Variants in CPQ observed in about 807,000 individuals in gnomAD.
The protein encoded by CPQ is Ser-Met dipeptidase.
A neutral mutation model predicts 45.7 loss-of-function variants in CPQ; 37 were observed. The ratio of observed to expected loss-of-function variants is 0.81; its 90% CI spans 0.62 to 1.07. The LOEUF is 1.07. CPQ is among the 50% of genes least tolerant of loss of function. The pLI is 0.00. For synonymous variants in CPQ, 186 were observed against 205.8 expected (o/e 0.90, Z 0.82); for missense variants, 537 against 572.9 (o/e 0.94, Z 0.64).
intron 6 of CPQ, 75 bp from the exon 7 acceptor site, chr8:97,065,934 T>C (rs1225822872): frequency 2.8e-6 from 4 of 1,422,350 alleles, no homozygotes; most frequent in Middle Eastern, 2.5e-4. Context: ...TATTTGGTAA[T>C]TGTTGTTTGA....
chr8:96,726,227 G>T (rs184767434), intron 1 of CPQ, among the ~76,000 whole-genome samples: 2 of 151,980 alleles, frequency 1.3e-5, no homozygotes, highest in African/African-American at 4.8e-5. Flanking sequence ...TAAAATAAAA[G>T]AAGAAATTAT....
intron 4 of CPQ, among the ~76,000 whole-genome samples, chr8:96,886,998 A>G (rs1812314342): frequency 6.6e-6 from 1 of 152,040 alleles, no homozygotes; most frequent in Non-Finnish European, 1.5e-5. Flanking sequence ...TCCTCCCTCT[A>G]AGTCCTCCTT....
At chr8:97,056,557 G>A (rs554326468) in intron 6 of CPQ, 1 of 152,276 alleles carries the variant, frequency 6.6e-6, no homozygotes, top group East Asian at 1.9e-4. Context: ...TTTGAAATTT[G>A]GTGCTCACTA....
rs981172497 is a variant in CPQ, at chr8:96,815,871, A to G, written c.434-19102A>G. ...TAGCATTATGGCTAAAAGAATGTAC[A>G]TACTTTAATTTATAAATACTATTAA... On this transcript the variant is annotated intron_variant, in intron 2 of 7. Coordinates refer to ENST00000220763, the MANE Select transcript of CPQ (RefSeq NM_016134.4). 2.0e-5 allele frequency among the ~76,000 whole-genome samples: 3 copies of G among 152,176 alleles called. 1 individual carries two copies. The highest frequency in any genetic ancestry group is 1.3e-4 in the Admixed American group (2 of 15,268).
At chr8:96,943,443 G>A (rs946651428) in intron 4 of CPQ, among the ~76,000 whole-genome samples, 2 of 152,048 alleles carry the variant, frequency 1.3e-5, no homozygotes, top group Non-Finnish European at 2.9e-5. Context: ...ACTACCATGG[G>A]TCAGGCCTTG....
intron 1 of CPQ, among the ~76,000 whole-genome samples, chr8:96,689,019 A>G (rs58111433): frequency 0.024 from 3,693 of 152,284 alleles, 167 homozygotes; most frequent in African/African-American, 0.084. Flanking sequence ...CTATAGCAGC[A>G]TAAGAGACAG....
chr8:96,861,313 G>C (rs561661052), intron 3 of CPQ, among the ~76,000 whole-genome samples: 1 of 152,244 alleles, frequency 6.6e-6, no homozygotes, highest in Non-Finnish European at 1.5e-5. Context: ...AGAATTTTAT[G>C]ACTAAGACAA....
chr8:97,045,496 G>C (rs1209109153), intron 6 of CPQ, among the ~76,000 whole-genome samples: 4 of 152,182 alleles, frequency 2.6e-5, no homozygotes, highest in African/African-American at 9.7e-5. Context: ...TGCACCCACT[G>C]TCCTGCGCCC....
At chr8:97,056,761 G>T (rs1810461612) in intron 6 of CPQ, among the ~76,000 whole-genome samples, 1 of 152,146 alleles carries the variant, frequency 6.6e-6, no homozygotes, top group Non-Finnish European at 1.5e-5. Context: ...CTGTTCATTT[G>T]ACAAGTATTT....
At chr8:96,690,249 T>C (rs1809288850) in intron 1 of CPQ, among the ~76,000 whole-genome samples, 1 of 152,216 alleles carries the variant, frequency 6.6e-6, no homozygotes, top group Non-Finnish European at 1.5e-5. Flanking sequence ...TTATGCAAGT[T>C]ATTCCTTTTA....
intron 1 of CPQ, among the ~76,000 whole-genome samples, chr8:96,697,664 G>T (rs1415257920): frequency 6.6e-6 from 1 of 152,054 alleles, no homozygotes; most frequent in Non-Finnish European, 1.5e-5. Flanking sequence ...CAGTAAGGTG[G>T]CAGGATACAA....
chr8:96,703,159 T>G (rs1809490156), intron 1 of CPQ, among the ~76,000 whole-genome samples: 3 of 152,198 alleles, frequency 2.0e-5, no homozygotes, highest in Admixed American at 1.3e-4. Context: ...GAAGCCATGA[T>G]TCAATAATCT....
intron 1 of CPQ, among the ~76,000 whole-genome samples, chr8:96,678,230 G>A (rs1468531700): frequency 6.6e-6 from 1 of 152,064 alleles, no homozygotes; most frequent in Non-Finnish European, 1.5e-5. Flanking sequence ...ATTTTGATGG[G>A]AATTGCATTG....
intron 4 of CPQ, among the ~76,000 whole-genome samples, chr8:96,912,143 T>G (rs1812672831): frequency 6.6e-6 from 1 of 152,210 alleles, no homozygotes; most frequent in African/African-American, 2.4e-5. Context: ...TTTCTCTTAT[T>G]AGGAAGCTTT....
At chr8:96,923,069 A>T (rs1439552083) in intron 4 of CPQ, among the ~76,000 whole-genome samples, 1 of 152,194 alleles carries the variant, frequency 6.6e-6, no homozygotes, top group African/African-American at 2.4e-5. Flanking sequence ...CATATGTTCC[A>T]TTGGGAATTA....
At chr8:96,836,510 T>C (rs1811533113) in intron 3 of CPQ, among the ~76,000 whole-genome samples, 3 of 152,162 alleles carry the variant, frequency 2.0e-5, no homozygotes, top group East Asian at 1.9e-4. Context: ...AGTGAAATAA[T>C]GATTGCACCA....
chr8:96,862,737 A>T (rs1045960646), intron 3 of CPQ, among the ~76,000 whole-genome samples: 19 of 152,230 alleles, frequency 1.2e-4, no homozygotes, highest in African/African-American at 4.3e-4. Flanking sequence ...TGGAAACATG[A>T]CTGTCTAAAA....
intron 7 of CPQ, among the ~76,000 whole-genome samples, chr8:97,111,919 G>A (rs908016627): frequency 5.3e-5 from 8 of 152,106 alleles, no homozygotes; most frequent in Middle Eastern, 3.2e-3. Flanking sequence ...TCTTCCTGAA[G>A]AACAGCCTGA....
At chr8:96,707,397 T>A (rs1304998286) in intron 1 of CPQ, among the ~76,000 whole-genome samples, 1 of 152,232 alleles carries the variant, frequency 6.6e-6, no homozygotes, top group East Asian at 1.9e-4. Context: ...TTCAAGCTTG[T>A]CCAACCTGTG....
Sources: allele counts gnomAD v4.1 joint callset (sites outside exome capture counted in the v4.1 genomes callset), GRCh38; gene constraint gnomAD v4.1.1; transcripts MANE v1.5; gene names NCBI Gene and HGNC (gene_info 2026-07-23, HGNC 2026-07-21).